The following GLIS3 variants were observed in gnomAD, a reference collection of about 807,000 sequenced individuals.
GLIS3 encodes zinc finger protein GLIS3.
In GLIS3, 53 loss-of-function variants were observed where a neutral mutation model predicts 78.6. That is an observed-to-expected ratio of 0.67 (90% confidence interval 0.54 to 0.85). GLIS3 has a LOEUF of 0.85. Among genes scored for constraint, GLIS3 ranks in the 40% least tolerant of loss-of-function variants. GLIS3 has a pLI of 0.00. For missense variants in GLIS3, 1,703 were observed against 1,231.1 expected, an observed-to-expected ratio of 1.38 and a Z score of -5.74; for synonymous variants, 684 against 509.9, an observed-to-expected ratio of 1.34 and a Z score of -4.60.
intron 8 of GLIS3, among the ~76,000 whole-genome samples, chr9:3,873,366 C>G (rs1338120951): frequency 1.3e-5 from 2 of 152,034 alleles, no homozygotes; most frequent in Non-Finnish European, 2.9e-5. Flanking sequence ...CAAACCAAAC[C>G]CAACAGGACA....
At chr9:3,890,647 C>G (rs969407672) in intron 7 of GLIS3, among the ~76,000 whole-genome samples, 5 of 152,086 alleles carry the variant, frequency 3.3e-5, no homozygotes, top group Non-Finnish European at 7.4e-5. Context: ...GTAACCTCCC[C>G]AAACTGAACA....
intron 2 of GLIS3, among the ~76,000 whole-genome samples, chr9:4,314,813 G>T (rs948246829): frequency 2.6e-5 from 4 of 152,180 alleles, no homozygotes; most frequent in African/African-American, 9.6e-5. Flanking sequence ...CCTTCATAGG[G>T]CTGTAGGGAG....
intron 2 of GLIS3, among the ~76,000 whole-genome samples, chr9:4,338,854 G>T (rs963935757): frequency 1.3e-5 from 2 of 152,248 alleles, no homozygotes; most frequent in South Asian, 4.1e-4. Flanking sequence ...TAATTGGTTT[G>T]GGGTATGTGC....
intron 7 of GLIS3, among the ~76,000 whole-genome samples, chr9:3,886,440 C>T (rs888734962): frequency 9.2e-5 from 14 of 152,204 alleles, no homozygotes; most frequent in African/African-American, 3.1e-4. Context: ...TGCATGACTG[C>T]ACTTCGTTAA....
chr9:4,351,419 G>A (rs1369078795), upstream of GLIS3, among the ~76,000 whole-genome samples: 1 of 150,762 alleles, frequency 6.6e-6, no homozygotes. Flanking sequence ...AAAAAAGGGA[G>A]GGTGAGGAGA....
At chr9:4,222,757 G>A (rs1186815923) in intron 2 of GLIS3, among the ~76,000 whole-genome samples, 1 of 152,132 alleles carries the variant, frequency 6.6e-6, no homozygotes, top group African/African-American at 2.4e-5. Context: ...TTTAACTGTG[G>A]GCTCGCATTT....
chr9:4,484,411 T>C, the GLIS3 span, among the ~76,000 whole-genome samples: 1 of 121,784 alleles, frequency 8.2e-6, no homozygotes, highest in African/African-American at 3.4e-5. Flanking sequence ...CTAATTTTTT[T>C]TTTTTTTTTT....
intron 9 of GLIS3, among the ~76,000 whole-genome samples, chr9:3,837,168 A>G (rs920421206): frequency 6.6e-6 from 1 of 152,206 alleles, no homozygotes; most frequent in African/African-American, 2.4e-5. Flanking sequence ...GCTATTTTCA[A>G]GAAGCACTGA....
chr9:4,041,713 A>C (rs570330005), intron 4 of GLIS3, among the ~76,000 whole-genome samples: 1 of 152,276 alleles, frequency 6.6e-6, no homozygotes, highest in Non-Finnish European at 1.5e-5. Flanking sequence ...ACTCTCTGAA[A>C]ACGTGAAGCT....
chr9:4,145,697 T>G, intron 2 of GLIS3, among the ~76,000 whole-genome samples: 1 of 151,756 alleles, frequency 6.6e-6, no homozygotes, highest in African/African-American at 2.4e-5. Flanking sequence ...CTCTCTTTCC[T>G]CTCCCTTCCT....
At chr9:4,104,827 G>A (rs139248423) in intron 4 of GLIS3, among the ~76,000 whole-genome samples, 225 of 152,312 alleles carry the variant, frequency 1.5e-3, no homozygotes, top group African/African-American at 5.1e-3. Flanking sequence ...GTAAGCTCCA[G>A]AAGGATGGGA....
At chr9:4,267,776 G>A (rs1826145981) in intron 2 of GLIS3, among the ~76,000 whole-genome samples, 1 of 152,136 alleles carries the variant, frequency 6.6e-6, no homozygotes, top group South Asian at 2.1e-4. Flanking sequence ...AGATTCAAAT[G>A]TTAGTCTCTT....
chr9:4,042,857 ATTGAGT>A lies in GLIS3; in HGVS notation c.1710+74905_1710+74910del, dbSNP rs1345910830. ...AAAACATTTTTCTAAAGGAAATTAT[ATTGAGT>A]TTGAGTAAAAACTTGAAAGTACACA... On this transcript the variant is annotated intron_variant, in intron 4 of 10. Coordinates refer to ENST00000381971, the MANE Select transcript of GLIS3 (RefSeq NM_001042413.2). Among the ~76,000 whole-genome samples the A allele has an allele frequency of 4.0e-5, 6 of 151,712 alleles. No individual in the cohort carries two copies. The East Asian group carries it at 5.9e-4, about 15-fold the overall frequency.
At chr9:4,310,330 T>G (rs1039584592) in intron 3 of GLIS3, 1 of 152,202 alleles carries the variant, frequency 6.6e-6, no homozygotes, top group Admixed American at 6.5e-5. Flanking sequence ...TATACTGTAT[T>G]GATAGACTTC....
chr9:4,335,773 G>T (rs4741963), intron 2 of GLIS3, among the ~76,000 whole-genome samples: 2 of 152,062 alleles, frequency 1.3e-5, no homozygotes, highest in South Asian at 2.1e-4. Flanking sequence ...GCATCCCCTG[G>T]GTCCCTTGCC....
the GLIS3 span, among the ~76,000 whole-genome samples, chr9:4,458,497 AG>A: frequency 6.6e-6 from 1 of 152,170 alleles, no homozygotes; most frequent in Non-Finnish European, 1.5e-5. Context: ...ACTTTATTAA[AG>A]GTGGCCAGGG....
chr9:4,277,897 G>A (rs548279251), intron 2 of GLIS3, among the ~76,000 whole-genome samples: 8 of 152,048 alleles, frequency 5.3e-5, no homozygotes, highest in South Asian at 2.1e-4. Flanking sequence ...CAATATAACC[G>A]GGATCCTTCA....
intron 4 of GLIS3, among the ~76,000 whole-genome samples, chr9:4,017,615 G>C (rs116937105): frequency 6.6e-6 from 1 of 152,152 alleles, no homozygotes; most frequent in Non-Finnish European, 1.5e-5. Flanking sequence ...GAAAGGTGGC[G>C]AGGGTTTAGA....
intron 2 of GLIS3, among the ~76,000 whole-genome samples, chr9:4,190,124 G>A (rs538553620): frequency 1.7e-4 from 26 of 152,134 alleles, no homozygotes; most frequent in African/African-American, 2.7e-4. Context: ...AAAGCAGAGC[G>A]CCTCTCCTCC....
Sources: allele counts gnomAD v4.1 joint callset (sites outside exome capture counted in the v4.1 genomes callset), GRCh38; gene constraint gnomAD v4.1.1; transcripts MANE v1.5; gene names NCBI Gene and HGNC (gene_info 2026-07-23, HGNC 2026-07-21).